Variants in RSF1 observed in about 807,000 individuals in gnomAD.
RSF1 encodes the protein remodeling and spacing factor 1.
A neutral mutation model predicts 145.2 loss-of-function variants in RSF1; 13 were observed. The observed-to-expected ratio is 0.09, with a 90% CI of 0.06 to 0.14. RSF1 has a LOEUF of 0.14. Ranked by LOEUF, RSF1 falls within the 10% of genes least tolerant of loss-of-function variation. The pLI is 1.00. For synonymous variants in RSF1, 577 were observed against 592.6 expected (o/e 0.97, Z 0.38); for missense variants, 1,517 against 1,718.2 (o/e 0.88, Z 2.07).
intron 15 of RSF1, among the ~76,000 whole-genome samples, chr11:77,670,191 T>C (rs1017055972): frequency 3.3e-5 from 5 of 152,346 alleles, no homozygotes; most frequent in Middle Eastern, 3.4e-3. Context: ...TGGCCCCCAC[T>C]GACTTCTTTG....
At chr11:77,779,364 C>T (rs964421297) in intron 1 of RSF1, among the ~76,000 whole-genome samples, 22 of 151,398 alleles carry the variant, frequency 1.5e-4, no homozygotes, top group African/African-American at 5.3e-4. Context: ...CACCACTATG[C>T]CTTGCTATTT....
intron 1 of RSF1, among the ~76,000 whole-genome samples, chr11:77,791,609 T>C (rs1482495648): frequency 6.6e-6 from 1 of 152,180 alleles, no homozygotes; most frequent in East Asian, 1.9e-4. Flanking sequence ...ACATCTCGAA[T>C]GTTTTGCTGC....
rs57008614 is a variant in RSF1 at position 77,699,361 on chromosome 11, A to C, written c.2509-668T>G. On this transcript the variant is annotated intron_variant, in intron 6 of 15. Transcript: ENST00000308488. ...TTTATACTCTTTTAACTTGTGTTTT[A>C]GTTTATTCCTACACTATAGGTCGTC... is the stretch of plus-strand genomic sequence containing the variant. Among the ~76,000 whole-genome samples, 288 of 152,302 alleles carry C rather than the reference A, an allele frequency of 1.9e-3. 2 individuals carry two copies. The highest frequency in any genetic ancestry group is 6.8e-3 in the Middle Eastern group (2 of 294).
At chr11:77,714,912 C>T (rs768485858) in intron 5 of RSF1, among the ~76,000 whole-genome samples, 1 of 152,010 alleles carries the variant, frequency 6.6e-6, no homozygotes, top group Non-Finnish European at 1.5e-5. Flanking sequence ...TTCCTTGAGG[C>T]CAGGAGTCTA....
At position 77,757,410 on chromosome 11, in the gene RSF1, T is replaced by C. The variant is rs557719164; in HGVS notation, c.279+7188A>G. The stretch of plus-strand genomic sequence containing the variant: ...CAAATAGTCTTGGGGCCAAGCACGG[T>C]GGCTCACACCTGTAATCCCAGCACT... On this transcript the variant is annotated intron_variant, in intron 2 of 15. Coordinates refer to ENST00000308488, the MANE Select transcript of RSF1 (RefSeq NM_016578.4). Among the ~76,000 whole-genome samples, 123 of 152,344 alleles carry C rather than the reference T, an allele frequency of 8.1e-4. 1 individual carries two copies. Among genetic ancestry groups the C allele is most frequent in the African/African-American group, 2.9e-3 (120 of 41,588 alleles).
chr11:77,845,873 G>A, the RSF1 span, among the ~76,000 whole-genome samples: 7 of 152,076 alleles, frequency 4.6e-5, no homozygotes, highest in Admixed American at 6.5e-5. Context: ...CTGATTTACA[G>A]TCTTTCTCTG....
At chr11:77,726,369 C>T (rs1165119295) in intron 4 of RSF1, among the ~76,000 whole-genome samples, 1 of 152,164 alleles carries the variant, frequency 6.6e-6, no homozygotes, top group Non-Finnish European at 1.5e-5. Flanking sequence ...GTGACCTGAT[C>T]ACGGCTCACG....
intron 1 of RSF1, among the ~76,000 whole-genome samples, chr11:77,794,395 C>T (rs1426262402): frequency 6.6e-6 from 1 of 152,026 alleles, no homozygotes; most frequent in Non-Finnish European, 1.5e-5. Flanking sequence ...CATACAAATA[C>T]ATGGGGCCAG....
chr11:77,734,154 A>G (rs1006213525), intron 4 of RSF1, among the ~76,000 whole-genome samples: 8 of 152,206 alleles, frequency 5.3e-5, no homozygotes, highest in African/African-American at 1.9e-4. Flanking sequence ...AAATGTTAAC[A>G]ATTTCATATG....
rs375014032 is a variant in RSF1 at position 77,795,274 on chromosome 11, CA to C, written c.187+25253del. Among the ~76,000 whole-genome samples the C allele has an allele frequency of 5.9e-4, 90 of 152,244 alleles. 1 individual carries two copies. In the South Asian group the frequency reaches 0.018, roughly 31 times the overall value. On this transcript the variant is annotated intron_variant, in intron 1 of 15. Coordinates refer to ENST00000308488, the MANE Select transcript of RSF1 (RefSeq NM_016578.4). ...AATAAAATGACCATACTGCTCAAAG[CA>C]ATCTACAGATTCAATGCAATTCCTA...
chr11:77,701,239 C>G lies in RSF1; in HGVS notation c.1990G>C (p.Val664Leu), dbSNP rs1960414165. Residue 664 changes from valine (V) to leucine (L), a missense_variant, in exon 6 of 16, where the codon GTA becomes CTA. By Grantham distance (32) the Val-to-Leu change is conservative. Transcript: ENST00000308488. ...STVGGQSVKK[V>L]DLETLKEDSE... is the part of the protein sequence containing the mutation. ...TCCTCTTTTAGGGTTTCTAGGTCTACTTTTTTCACAGACTGGCCACCAACA... is the reference window on the plus strand; with the variant it reads ...TCCTCTTTTAGGGTTTCTAGGTCTAGTTTTTTCACAGACTGGCCACCAACA... The G allele has an allele frequency of 6.2e-7, 1 of 1,614,016 alleles. No individual in the cohort carries two copies. Among genetic ancestry groups the G allele is most frequent in the South Asian group, 1.1e-5 (1 of 91,090 alleles).
At chr11:77,828,831 A>C in the RSF1 span, among the ~76,000 whole-genome samples, 5 of 152,212 alleles carry the variant, frequency 3.3e-5, no homozygotes, top group Non-Finnish European at 7.3e-5. Flanking sequence ...TTCACTCTCC[A>C]TCAAAATTCC....
At chr11:77,827,103 CAAAA>C in the RSF1 span, among the ~76,000 whole-genome samples, 1 of 144,074 alleles carries the variant, frequency 6.9e-6, no homozygotes, top group South Asian at 2.2e-4. Flanking sequence ...AAACTCGTCT[CAAAA>C]AAAAAAAAAA....
chr11:77,718,110 C>T (rs1300634386), intron 5 of RSF1: 2 of 152,156 alleles, frequency 1.3e-5, no homozygotes, highest in African/African-American at 4.8e-5. Context: ...AGTGCAAGAC[C>T]AGTCTGACCA....
intron 5 of RSF1, among the ~76,000 whole-genome samples, chr11:77,705,871 C>CA (rs1281352463): frequency 3.3e-5 from 5 of 151,750 alleles, no homozygotes; most frequent in African/African-American, 9.7e-5. Context: ...ACCAAAAAAA[C>CA]AAAAAAACCC....
At chr11:77,862,167 G>A in the RSF1 span, among the ~76,000 whole-genome samples, 1 of 152,116 alleles carries the variant, frequency 6.6e-6, no homozygotes, top group East Asian at 1.9e-4. Flanking sequence ...CCCAGTGAGG[G>A]TCTACACTGG....
At chr11:77,872,079 C>G in the RSF1 span, 2 of 1,326,068 alleles carry the variant, frequency 1.5e-6, no homozygotes, top group Non-Finnish European at 2.0e-6. Flanking sequence ...ACGATTGTCA[C>G]TGTCTAATTC....
At chr11:77,841,051 C>T in the RSF1 span, 1 of 588,784 alleles carries the variant, frequency 1.7e-6, no homozygotes, top group Non-Finnish European at 3.0e-6. Context: ...GACCAGTTGG[C>T]TCGCATCTGG....
At chr11:77,708,157 C>T (rs896417875) in intron 5 of RSF1, among the ~76,000 whole-genome samples, 10 of 152,162 alleles carry the variant, frequency 6.6e-5, no homozygotes, top group Non-Finnish European at 1.0e-4. Context: ...TGTTGGCTCA[C>T]GCCTGTAATC....
Sources: gnomAD v4.1 joint callset for allele counts (sites outside exome capture counted in the v4.1 genomes callset) on GRCh38, gnomAD v4.1.1 for gene constraint, MANE v1.5 for transcripts, NCBI Gene and HGNC (gene_info 2026-07-23, HGNC 2026-07-21) for gene names.